Variants in LSM14B observed in about 807,000 individuals in gnomAD.
LSM14B encodes the protein LSM family member 14B.
In LSM14B, 8 loss-of-function variants were observed where a neutral mutation model predicts 42.1. That is an observed-to-expected ratio of 0.19 (90% confidence interval 0.11 to 0.34). The LOEUF is 0.34. Ranked by LOEUF, LSM14B falls within the 10% of genes least tolerant of loss-of-function variation. LSM14B has a pLI of 1.00. For synonymous variants in LSM14B, 219 were observed against 209.7 expected (o/e 1.04, Z -0.38); for missense variants, 396 against 513.1 (o/e 0.77, Z 2.21).
chr20:62,133,216 G>A (rs530420531), intron 7 of LSM14B, 74 bp from the exon 8 acceptor site: 9 of 1,560,044 alleles, frequency 5.8e-6, no homozygotes, highest in African/African-American at 1.4e-5. Context: ...TCCCTGGGCC[G>A]CTCTGAGGAC....
chr20:62,127,048 C>G (rs1002021313), intron 3 of LSM14B, among the ~76,000 whole-genome samples: 3 of 152,204 alleles, frequency 2.0e-5, no homozygotes, highest in African/African-American at 7.2e-5. Flanking sequence ...GAAGAAATAG[C>G]TGATATATAT....
Position 62,123,723 on chromosome 20 carries a change from C to T in LSM14B, c.128-894C>T, listed in dbSNP as rs540365296. Reference sequence around the variant, plus strand: ...CAGGGGTTCTTGAAGTGTCTAGACGCGTCTGAAACGCTGCTTAGGTCACAG... The same window carrying T: ...CAGGGGTTCTTGAAGTGTCTAGACGTGTCTGAAACGCTGCTTAGGTCACAG... On this transcript the variant is annotated intron_variant, in intron 1 of 8. Coordinates refer to ENST00000279068, the MANE Select transcript of LSM14B (RefSeq NM_144703.3). Among the ~76,000 whole-genome samples the T allele has an allele frequency of 5.9e-5, 9 of 152,324 alleles. No homozygotes were observed. In the East Asian group the frequency reaches 1.7e-3, roughly 29 times the overall value.
intron 4 of LSM14B, 26 bp downstream of exon 4, chr20:62,129,978 GT>G: frequency 4.4e-6 from 7 of 1,585,034 alleles, no homozygotes; most frequent in Non-Finnish European, 6.0e-6. Context: ...ATTTCCTGGA[GT>G]TTGCTTGATG....
chr20:62,122,528 T>C lies in LSM14B; in HGVS notation c.-139T>C. The C allele has an allele frequency of 3.6e-6, 2 of 554,070 alleles. No individual in the cohort carries two copies. Among genetic ancestry groups the C allele is most frequent in the South Asian group, 7.5e-5 (1 of 13,422 alleles). The allele number at this position is 554,070 out of a possible 1,614,324, so 34.3% of individuals were successfully genotyped here. ...GTGCCCGCGCAGGCCCCTCGGGCGG[T>C]GGCGAGGAGGCGCCCAGGCGGAGGC... On this transcript the variant is annotated 5_prime_UTR_variant, in exon 1 of 9. Coordinates refer to ENST00000279068, the MANE Select transcript of LSM14B (RefSeq NM_144703.3). The surrounding 1 kb of genome is among the most constrained non-coding windows in gnomAD (Gnocchi z 4.6).
At chr20:62,126,562 C>A in intron 3 of LSM14B, 123 bp downstream of exon 3, 1 of 1,301,264 alleles carries the variant, frequency 7.7e-7, no homozygotes, top group Non-Finnish European at 1.0e-6. Flanking sequence ...TGTTTTGTTG[C>A]ACACTTAGTA....
At position 62,122,818 on chromosome 20, in the gene LSM14B, C is replaced by CCGCT. The variant is rs754882836; in HGVS notation, c.127+26_127+29dup. The CCGCT allele has an allele frequency of 1.6e-5, 24 of 1,470,876 alleles. No individual in the cohort carries two copies. In the South Asian group the frequency reaches 3.0e-4, roughly 18 times the overall value. 91.1% of individuals were successfully genotyped at this position (1,470,876 alleles called of 1,614,324 possible). ...GGTAGCGGCCGCCGCCCGCCCGAGC[C>CCGCT]CGCTGACCCCCGTCCGCCAACAGCC... On this transcript the variant is annotated intron_variant, in intron 1 of 8. Coordinates refer to ENST00000279068, the MANE Select transcript of LSM14B (RefSeq NM_144703.3). The surrounding 1 kb of genome is among the most constrained non-coding windows in gnomAD (Gnocchi z 4.6).
rs570906223 is a variant in LSM14B at position 62,134,321 on chromosome 20, G to C, written c.*173G>C. 1 of 471,864 alleles carries C rather than the reference G, an allele frequency of 2.1e-6. No individual in the cohort carries two copies. The highest frequency in any genetic ancestry group is 2.3e-5 in the Admixed American group (1 of 42,590). 29.2% of individuals were successfully genotyped at this position (471,864 alleles called of 1,614,324 possible). A position where few individuals can be genotyped will look rare whatever the true frequency, so the allele number is the denominator to read the frequency against. ...TTAACTGAACTTGGACATGGTCTGA[G>C]TTAGAACCACTTGTTTTGGGGAAGT... On this transcript the variant is annotated 3_prime_UTR_variant, in exon 9 of 9. Transcript: ENST00000279068.
chr20:62,134,090 C>T lies in LSM14B; in HGVS notation c.*15-73C>T, dbSNP rs8116405. On this transcript the variant is annotated intron_variant, in intron 8 of 8. Transcript: ENST00000279068. Reference sequence around the variant, plus strand: ...TGGGGGCAGGAGGGAGGCTGAGTGGCTCCTGCTCGCCAGCAGGGGCAACAG... The same window carrying T: ...TGGGGGCAGGAGGGAGGCTGAGTGGTTCCTGCTCGCCAGCAGGGGCAACAG... 2,150 of 380,302 alleles carry T rather than the reference C, an allele frequency of 5.7e-3. 45 individuals carry two copies. The highest frequency in any genetic ancestry group is 0.041 in the African/African-American group (1,943 of 46,998). 23.6% of individuals were successfully genotyped at this position (380,302 alleles called of 1,614,324 possible).
In LSM14B at chr20:62,122,848, C is replaced by T. The variant is rs2056442340; in HGVS notation, c.127+55C>T. 1.5e-6 allele frequency: 2 copies of T among 1,378,414 alleles called. No homozygotes were observed. Among genetic ancestry groups the T allele is most frequent in the Non-Finnish European group, 1.9e-6 (2 of 1,051,908 alleles). The allele number at this position is 1,378,414 out of a possible 1,614,324, so 85.4% of individuals were successfully genotyped here. A position where few individuals can be genotyped will look rare whatever the true frequency, so the allele number is the denominator to read the frequency against. ...GACCCCCGTCCGCCAACAGCCCCGGCCTGCGGTGCCCTCCCCGCCCCGGGG... is the reference window on the plus strand; with the variant it reads ...GACCCCCGTCCGCCAACAGCCCCGGTCTGCGGTGCCCTCCCCGCCCCGGGG... On this transcript the variant is annotated intron_variant, in intron 1 of 8. Coordinates refer to ENST00000279068, the MANE Select transcript of LSM14B (RefSeq NM_144703.3). The surrounding 1 kb of genome is among the most constrained non-coding windows in gnomAD (Gnocchi z 4.6).
Position 62,126,329 on chromosome 20 carries a change from C to T in LSM14B, c.317C>T (p.Ser106Leu), listed in dbSNP as rs779339184. ...TCTTCCCTGGGTTCTGCCTCCGCCT[C>T]GCCCTTCCAGCCGCACGTGCCTTAC... ...VQSSLGSASA[S>L]PFQPHVPYSP... The change falls in exon 3 of 9, where the codon TCG (serine) becomes TTG (leucine). Residue 106 changes from serine to leucine, a missense_variant. This residue lies in a region of LSM14B where 274 missense variants were observed against 335.8 expected (regional missense o/e 0.82). Transcript: ENST00000279068. 20 of 1,613,728 alleles carry T rather than the reference C, an allele frequency of 1.2e-5. No individual in the cohort carries two copies. Among genetic ancestry groups the T allele is most frequent in the Non-Finnish European group, 1.6e-5 (19 of 1,179,910 alleles).
Position 62,134,223 on chromosome 20 carries a change from C to T in LSM14B, c.*75C>T, listed in dbSNP as rs1406898076. On this transcript the variant is annotated 3_prime_UTR_variant, in exon 9 of 9. Transcript: ENST00000279068. Reference sequence around the variant, plus strand: ...GTGTCAGGACGCGAGGAAAACGCTGCACTTACAGGGAGAGGTGGTCACTTT... The same window carrying T: ...GTGTCAGGACGCGAGGAAAACGCTGTACTTACAGGGAGAGGTGGTCACTTT... 2 of 471,538 alleles carry T rather than the reference C, an allele frequency of 4.2e-6. No homozygotes were observed. Among genetic ancestry groups the T allele is most frequent in the Non-Finnish European group, 4.4e-6 (1 of 227,108 alleles). 29.2% of individuals were successfully genotyped at this position (471,538 alleles called of 1,614,324 possible).
intron 3 of LSM14B, 95 bp from the exon 4 acceptor site, chr20:62,129,690 C>A: frequency 7.4e-7 from 1 of 1,346,166 alleles, no homozygotes; most frequent in Non-Finnish European, 1.0e-6. Flanking sequence ...GCCCTCCTTT[C>A]CTTCCTGACA....
At chr20:62,124,895 T>C (rs2056541073) in intron 2 of LSM14B, 115 bp downstream of exon 2, 10 of 1,182,416 alleles carry the variant, frequency 8.5e-6, no homozygotes, top group South Asian at 6.7e-5. Context: ...TTTTTTTTTT[T>C]CTTTGAGGCA....
intron 3 of LSM14B, chr20:62,128,868 T>C (rs993875537): frequency 2.1e-6 from 2 of 975,208 alleles, no homozygotes; most frequent in African/African-American, 3.4e-5. Flanking sequence ...TAAGATGAGA[T>C]GCCCAGTCTT....
intron 3 of LSM14B, among the ~76,000 whole-genome samples, chr20:62,128,764 G>A (rs189815877): frequency 2.6e-5 from 4 of 152,166 alleles, no homozygotes; most frequent in Non-Finnish European, 5.9e-5. Context: ...ATGCAGAGTC[G>A]TTCCAACCTG....
At chr20:62,131,237 G>A in intron 6 of LSM14B, 119 bp from the exon 7 acceptor site, 29 of 1,152,448 alleles carry the variant, frequency 2.5e-5, no homozygotes, top group Non-Finnish European at 3.4e-5. Context: ...CTTTGCACAA[G>A]GCATAGTTGA....
Position 62,122,597 on chromosome 20 carries a change from C to CGCG in LSM14B, c.-62_-60dup. ...GCAGGAGCGGGCGGCCAGGCCACCG[C>CGCG]GCGGCGGCGGAGCGGGCCGCGGCCC... is the stretch of plus-strand genomic sequence containing the variant. On this transcript the variant is annotated 5_prime_UTR_variant, in exon 1 of 9. Coordinates refer to ENST00000279068, the MANE Select transcript of LSM14B (RefSeq NM_144703.3). The surrounding 1 kb of genome is among the most constrained non-coding windows in gnomAD (Gnocchi z 4.6). 1 of 1,026,132 alleles carries CGCG rather than the reference C, an allele frequency of 9.7e-7. No individual in the cohort carries two copies. Among genetic ancestry groups the CGCG allele is most frequent in the Non-Finnish European group, 1.2e-6 (1 of 851,178 alleles). 63.6% of individuals were successfully genotyped at this position (1,026,132 alleles called of 1,614,324 possible).
chr20:62,126,431 T>G lies in LSM14B; in HGVS notation c.419T>G (p.Leu140Arg), dbSNP rs1329918077. 6.2e-7 allele frequency: 1 copy of G among 1,608,536 alleles called. No individual in the cohort carries two copies. Among genetic ancestry groups the G allele is most frequent in the Non-Finnish European group, 8.5e-7 (1 of 1,179,752 alleles). ...CTCAGCCAGCAGTATGCCGCCTCCC[T>G]GGGTCTAGGTGAGTGACCTGTTTCT... ...SLLSQQYAAS[L>R]GLGAGFPSIP... Residue 140 changes from leucine to arginine, a missense_variant, in exon 3 of 9, where the codon CTG becomes CGG. Physicochemically the swap from Leu to Arg is moderately radical, Grantham distance 102 (BLOSUM62 -2). This residue lies in a region of LSM14B where 274 missense variants were observed against 335.8 expected (regional missense o/e 0.82). Transcript: ENST00000279068.
intron 3 of LSM14B, among the ~76,000 whole-genome samples, chr20:62,128,764 G>T (rs189815877): frequency 2.6e-5 from 4 of 152,166 alleles, no homozygotes; most frequent in Non-Finnish European, 4.4e-5. Flanking sequence ...ATGCAGAGTC[G>T]TTCCAACCTG....
Sources: gnomAD v4.1 joint callset for allele counts (sites outside exome capture counted in the v4.1 genomes callset) on GRCh38, gnomAD v4.1.1 for gene constraint, gnomAD v4.1.1 regional missense constraint, Gnocchi (gnomAD v3.1) non-coding constraint, MANE v1.5 for transcripts, NCBI Gene and HGNC (gene_info 2026-07-23, HGNC 2026-07-21) for gene names.